The following NBEA variants were observed in gnomAD, a reference collection of about 807,000 sequenced individuals.
NBEA encodes the protein neurobeachin, also known as lysosomal-trafficking regulator 2.
In NBEA, 44 loss-of-function variants were observed where a neutral mutation model predicts 343.4. The ratio of observed to expected loss-of-function variants is 0.13; its 90% CI spans 0.10 to 0.16. The LOEUF (loss-of-function observed/expected upper bound fraction) is 0.16. Ranked by LOEUF, NBEA falls within the 10% of genes least tolerant of loss-of-function variation. NBEA has a pLI of 1.00. For synonymous variants in NBEA, 1,175 were observed against 1,238.7 expected, an observed-to-expected ratio of 0.95 and a Z score of 1.08; for missense variants, 2,555 against 3,631.3, an observed-to-expected ratio of 0.70 and a Z score of 7.62.
At chr13:35,298,581 G>T (rs1057491323) in intron 35 of NBEA, among the ~76,000 whole-genome samples, 2 of 151,806 alleles carry the variant, frequency 1.3e-5, no homozygotes, top group African/African-American at 4.8e-5. Context: ...TATACTCATA[G>T]AATATGCTCT....
intron 24 of NBEA, among the ~76,000 whole-genome samples, chr13:35,166,436 T>C (rs1324009400): frequency 6.6e-6 from 1 of 152,170 alleles, no homozygotes; most frequent in Non-Finnish European, 1.5e-5. Context: ...CGATTCAATT[T>C]TGACCACTGT....
At position 35,265,952 on chromosome 13, in the gene NBEA, A is replaced by T. The variant is rs369128954; in HGVS notation, c.5777-24437A>T. On this transcript the variant is annotated intron_variant, in intron 34 of 58. Coordinates refer to ENST00000379939, the MANE Select transcript of NBEA (RefSeq NM_001385012.1). Reference sequence around the variant, plus strand: ...AGGAGAAAATATTTGCAAACTATACATCTAACAAGTGGCTAATATCCAAAA... The same window carrying T: ...AGGAGAAAATATTTGCAAACTATACTTCTAACAAGTGGCTAATATCCAAAA... Among the ~76,000 whole-genome samples, 40 of 152,072 alleles carry T rather than the reference A, an allele frequency of 2.6e-4. 1 individual carries two copies. In the South Asian group the frequency reaches 8.1e-3, roughly 31 times the overall value.
chr13:35,155,983 C>A, intron 19 of NBEA, 100 bp from the exon 20 acceptor site: 1 of 1,472,436 alleles, frequency 6.8e-7, no homozygotes, highest in Non-Finnish European at 9.3e-7. Flanking sequence ...TTTAACTCAC[C>A]TTTTATAGTG....
chr13:35,414,491 G>A (rs558560741), intron 38 of NBEA, among the ~76,000 whole-genome samples: 10 of 151,828 alleles, frequency 6.6e-5, no homozygotes, highest in African/African-American at 1.2e-4. Flanking sequence ...GTTGGTTTTC[G>A]GTCCTTGCGA....
At chr13:35,368,243 A>G (rs535158017) in intron 38 of NBEA, among the ~76,000 whole-genome samples, 1 of 151,552 alleles carries the variant, frequency 6.6e-6, no homozygotes, top group Non-Finnish European at 1.5e-5. Flanking sequence ...AATTCCAGCT[A>G]TTTCTAATTT....
At chr13:35,398,940 T>C (rs764092262) in intron 38 of NBEA, among the ~76,000 whole-genome samples, 1 of 152,178 alleles carries the variant, frequency 6.6e-6, no homozygotes, top group Non-Finnish European at 1.5e-5. Flanking sequence ...TAAGGCTGTT[T>C]CATCTACATT....
intron 39 of NBEA, among the ~76,000 whole-genome samples, chr13:35,433,218 G>T (rs1231706108): frequency 6.6e-6 from 1 of 152,018 alleles, no homozygotes. Context: ...GGAACATTTG[G>T]TCTACTTGCC....
At chr13:35,477,649 AGATGTATAATTAAG>A (rs1212236988) in intron 41 of NBEA, among the ~76,000 whole-genome samples, 2 of 152,204 alleles carry the variant, frequency 1.3e-5, no homozygotes, top group Non-Finnish European at 2.9e-5. Context: ...GCTTGTTTAC[AGATGTATAATTAAG>A]GATATATCTC....
chr13:35,601,903 G>GT (rs957259944), intron 47 of NBEA, among the ~76,000 whole-genome samples: 4 of 151,884 alleles, frequency 2.6e-5, no homozygotes, highest in African/African-American at 9.7e-5. Flanking sequence ...CCAATTTGCA[G>GT]TGCAGCCATT....
chr13:35,449,210 C>T (rs766517283), intron 39 of NBEA, among the ~76,000 whole-genome samples: 2 of 152,164 alleles, frequency 1.3e-5, no homozygotes, highest in Non-Finnish European at 2.9e-5. Flanking sequence ...ATTAGGTGTT[C>T]TTGACTGGGA....
chr13:35,646,579 T>A (rs1010709625), intron 51 of NBEA, among the ~76,000 whole-genome samples: 38 of 152,212 alleles, frequency 2.5e-4, no homozygotes, highest in Admixed American at 2.4e-3. Flanking sequence ...AATAGCCATC[T>A]TCTCTATGTA....
intron 13 of NBEA, among the ~76,000 whole-genome samples, chr13:35,113,999 T>G (rs1162611842): frequency 6.6e-6 from 1 of 152,186 alleles, no homozygotes; most frequent in Non-Finnish European, 1.5e-5. Flanking sequence ...TTTTACTTTC[T>G]GAAACAAGAT....
At chr13:34,945,063 C>T (rs919570344) in intron 1 of NBEA, among the ~76,000 whole-genome samples, 9 of 152,086 alleles carry the variant, frequency 5.9e-5, no homozygotes, top group Non-Finnish European at 1.3e-4. Context: ...TTTCAGTATG[C>T]AGACGTTATT....
At chr13:35,260,107 A>G (rs779408541) in intron 34 of NBEA, among the ~76,000 whole-genome samples, 1 of 152,236 alleles carries the variant, frequency 6.6e-6, no homozygotes, top group African/African-American at 2.4e-5. Context: ...ACGTAAGATC[A>G]TGTCCACACT....
At chr13:35,005,068 C>T (rs1011771792) in intron 1 of NBEA, among the ~76,000 whole-genome samples, 2 of 152,120 alleles carry the variant, frequency 1.3e-5, no homozygotes, top group Non-Finnish European at 2.9e-5. Context: ...TATACTGTTA[C>T]ATGTGAAATG....
intron 10 of NBEA, among the ~76,000 whole-genome samples, chr13:35,097,478 A>G (rs1222108762): frequency 2.0e-5 from 3 of 152,022 alleles, no homozygotes; most frequent in Non-Finnish European, 4.4e-5. Flanking sequence ...AAGCATATAC[A>G]ATGAAGGAAT....
At chr13:35,577,192 T>C (rs1019311945) in intron 45 of NBEA, among the ~76,000 whole-genome samples, 2 of 152,180 alleles carry the variant, frequency 1.3e-5, no homozygotes, top group African/African-American at 2.4e-5. Flanking sequence ...TCCGATCAAG[T>C]TGAATTACCT....
At chr13:35,090,276 GA>G (rs1252066307) in intron 10 of NBEA, among the ~76,000 whole-genome samples, 1 of 151,816 alleles carries the variant, frequency 6.6e-6, no homozygotes, top group Non-Finnish European at 1.5e-5. Flanking sequence ...AGGAGGCGGG[GA>G]GAGGGACTAG....
chr13:35,120,373 A>G (rs2066730061), intron 16 of NBEA, among the ~76,000 whole-genome samples: 1 of 152,210 alleles, frequency 6.6e-6, no homozygotes, highest in Admixed American at 6.5e-5. Flanking sequence ...AATCACACAG[A>G]TTAAAAAACG....
Sources: allele counts gnomAD v4.1 joint callset (sites outside exome capture counted in the v4.1 genomes callset), GRCh38; gene constraint gnomAD v4.1.1; transcripts MANE v1.5; gene names NCBI Gene and HGNC (gene_info 2026-07-23, HGNC 2026-07-21).